The following DLG2 variants were observed in gnomAD, a reference collection of about 807,000 sequenced individuals.
DLG2 encodes disks large homolog 2.
A neutral mutation model predicts 132.5 loss-of-function variants in DLG2; 45 were observed. The ratio of observed to expected loss-of-function variants is 0.34; its 90% CI spans 0.27 to 0.44. The LOEUF (loss-of-function observed/expected upper bound fraction) is 0.44, where lower values mean the gene tolerates loss of function less well. Among genes scored for constraint, DLG2 ranks in the 20% least tolerant of loss-of-function variants. The pLI, the probability that DLG2 is intolerant of heterozygous loss-of-function variation, is 1.00. For missense variants in DLG2, 1,045 were observed against 1,196.9 expected (o/e 0.87, Z 1.87); for synonymous variants, 424 against 419.6 (o/e 1.01, Z -0.13).
intron 6 of DLG2, among the ~76,000 whole-genome samples, chr11:84,591,256 T>TGTGTGTGCGC (rs773255134): frequency 4.3e-4 from 65 of 150,326 alleles, no homozygotes; most frequent in African/African-American, 1.5e-3. Flanking sequence ...TGTGTGTGTG[T>TGTGTGTGCGC]GCGCGTCTTT....
intron 4 of DLG2, among the ~76,000 whole-genome samples, chr11:85,229,792 A>G (rs2075191671): frequency 6.6e-6 from 1 of 152,138 alleles, no homozygotes; most frequent in Non-Finnish European, 1.5e-5. Flanking sequence ...CATATACACC[A>G]TGGAATACTA....
intron 7 of DLG2, among the ~76,000 whole-genome samples, chr11:84,393,622 A>C (rs892364343): frequency 6.6e-6 from 1 of 152,202 alleles, no homozygotes; most frequent in Non-Finnish European, 1.5e-5. Context: ...TGTTTAATAC[A>C]GGAAGCTACA....
intron 8 of DLG2, among the ~76,000 whole-genome samples, chr11:84,187,898 C>T (rs190806176): frequency 7.9e-5 from 12 of 152,156 alleles, no homozygotes; most frequent in South Asian, 4.1e-4. Flanking sequence ...ACCTTGGCAA[C>T]GTGGCATATA....
chr11:83,850,015 A>G (rs1163065727), intron 16 of DLG2, among the ~76,000 whole-genome samples: 6 of 152,108 alleles, frequency 3.9e-5, no homozygotes, highest in Admixed American at 3.3e-4. Context: ...ATATAACTAT[A>G]AATACAATTT....
chr11:84,996,687 TA>T (rs1358914518), intron 6 of DLG2, among the ~76,000 whole-genome samples: 1 of 152,140 alleles, frequency 6.6e-6, no homozygotes, highest in Admixed American at 6.6e-5. Context: ...CAAAATACAT[TA>T]AATGGCACTA....
chr11:83,569,944 T>C (rs546528288), intron 19 of DLG2, among the ~76,000 whole-genome samples: 1 of 152,196 alleles, frequency 6.6e-6, no homozygotes, highest in Non-Finnish European at 1.5e-5. Context: ...TGAGGACATG[T>C]TGAATGAGAG....
intron 7 of DLG2, among the ~76,000 whole-genome samples, chr11:84,302,136 G>A (rs182043672): frequency 5.9e-5 from 9 of 152,090 alleles, no homozygotes; most frequent in African/African-American, 2.2e-4. Flanking sequence ...CTCATAAGTG[G>A]GAGCTGAACA....
chr11:84,448,668 G>A (rs1344420591), intron 7 of DLG2, among the ~76,000 whole-genome samples: 4 of 151,972 alleles, frequency 2.6e-5, no homozygotes, highest in African/African-American at 9.7e-5. Flanking sequence ...CCACCAGACA[G>A]AGCCAGTAAC....
At chr11:83,619,012 T>C (rs1321275669) in intron 19 of DLG2, among the ~76,000 whole-genome samples, 1 of 152,198 alleles carries the variant, frequency 6.6e-6, no homozygotes, top group Non-Finnish European at 1.5e-5. Flanking sequence ...CAGCATCCTA[T>C]GTAGTATTTT....
chr11:83,492,661 T>C (rs2093921302), intron 21 of DLG2, among the ~76,000 whole-genome samples: 1 of 151,996 alleles, frequency 6.6e-6, no homozygotes, highest in African/African-American at 2.4e-5. Context: ...TTCTAACTCT[T>C]CCAATTACGC....
intron 16 of DLG2, among the ~76,000 whole-genome samples, chr11:83,863,751 T>C (rs2061825312): frequency 6.6e-6 from 1 of 152,070 alleles, no homozygotes; most frequent in Non-Finnish European, 1.5e-5. Flanking sequence ...CAGCTCAAGG[T>C]GATAAGACTA....
chr11:85,061,736 C>T (rs1429006668), intron 6 of DLG2, among the ~76,000 whole-genome samples: 1 of 151,842 alleles, frequency 6.6e-6, no homozygotes, highest in East Asian at 1.9e-4. Flanking sequence ...TATATGTGTA[C>T]TGTATTTTTC....
intron 17 of DLG2, among the ~76,000 whole-genome samples, chr11:83,820,714 G>A (rs948834183): frequency 1.3e-5 from 2 of 152,146 alleles, no homozygotes; most frequent in African/African-American, 4.8e-5. Context: ...CTGATTCACT[G>A]ATGAGCAAGT....
At chr11:83,933,543 C>T (rs2080816066) in intron 14 of DLG2, among the ~76,000 whole-genome samples, 1 of 152,092 alleles carries the variant, frequency 6.6e-6, no homozygotes, top group Non-Finnish European at 1.5e-5. Flanking sequence ...ACACCCTGGC[C>T]CTTGGTGATC....
intron 19 of DLG2, among the ~76,000 whole-genome samples, chr11:83,627,929 T>C (rs2062883889): frequency 6.6e-6 from 1 of 151,078 alleles, no homozygotes; most frequent in Non-Finnish European, 1.5e-5. Context: ...GATGGTATCT[T>C]ATTGTGGTTT....
chr11:85,348,258 C>CT (rs1306977493), intron 3 of DLG2, among the ~76,000 whole-genome samples: 1 of 150,896 alleles, frequency 6.6e-6, no homozygotes, highest in Non-Finnish European at 1.5e-5. Flanking sequence ...GAGTCTCACT[C>CT]TGTCACGAGG....
At chr11:84,118,183 T>G (rs532815558) in intron 9 of DLG2, among the ~76,000 whole-genome samples, 104 of 152,248 alleles carry the variant, frequency 6.8e-4, no homozygotes, top group Non-Finnish European at 1.2e-3. Context: ...ATTCCTCTAA[T>G]TAGTATATTT....
chr11:84,728,676 T>C (rs867747919), intron 6 of DLG2, among the ~76,000 whole-genome samples: 51 of 152,306 alleles, frequency 3.3e-4, no homozygotes, highest in Middle Eastern at 3.4e-3. Context: ...TACCAGCTCC[T>C]CTTTGTACCT....
intron 7 of DLG2, among the ~76,000 whole-genome samples, chr11:84,517,028 T>A (rs1232956334): frequency 2.9e-5 from 2 of 69,476 alleles, no homozygotes; most frequent in Non-Finnish European, 6.3e-5. Flanking sequence ...AAAAAATAAA[T>A]AAATAAATAA....
Sources: gnomAD v4.1 joint callset for allele counts (sites outside exome capture counted in the v4.1 genomes callset) on GRCh38, gnomAD v4.1.1 for gene constraint, MANE v1.5 for transcripts, NCBI Gene and HGNC (gene_info 2026-07-23, HGNC 2026-07-21) for gene names.